UBR3: variants seen among roughly 807,000 people sequenced by gnomAD.
UBR3 encodes E3 ubiquitin-protein ligase UBR3.
In UBR3, 85 loss-of-function variants were observed where a neutral mutation model predicts 243.2. The ratio of observed to expected loss-of-function variants is 0.35; its 90% CI spans 0.29 to 0.42. UBR3 has a LOEUF of 0.42. Among genes scored for constraint, UBR3 ranks in the 10% least tolerant of loss-of-function variants. UBR3 has a pLI of 1.00. For missense variants in UBR3, 1,686 were observed against 2,300.8 expected (o/e 0.73, Z 5.47); for synonymous variants, 748 against 799.8 (o/e 0.94, Z 1.09).
In UBR3 at chr2:169,906,167, A is replaced by G. The variant is rs1181761461; in HGVS notation, c.1779+3A>G. 6.6e-7 allele frequency: 1 copy of G among 1,525,850 alleles called. No homozygotes were observed. The highest frequency in any genetic ancestry group is 8.8e-7 in the Non-Finnish European group (1 of 1,140,140). 94.5% of individuals were successfully genotyped at this position (1,525,850 alleles called of 1,614,324 possible). On this transcript the variant is annotated splice_donor_region_variant and intron_variant, in intron 10 of 38. Coordinates refer to ENST00000272793, the MANE Select transcript of UBR3 (RefSeq NM_172070.4). ...TTTTATCACATTGTAAAGTTAGGGT[A>G]TGTTGGAAATATTTTTGTTAATTTC... is the stretch of plus-strand genomic sequence containing the variant.
In UBR3 at chr2:169,876,225, C is replaced by T. The variant is rs564200006; in HGVS notation, c.844+276C>T. Among the ~76,000 whole-genome samples, 42 of 151,078 alleles carry T rather than the reference C, an allele frequency of 2.8e-4. No individual in the cohort carries two copies. The East Asian group carries it at 7.5e-3, about 27-fold the overall frequency. On this transcript the variant is annotated intron_variant, in intron 3 of 38. Coordinates refer to ENST00000272793, the MANE Select transcript of UBR3 (RefSeq NM_172070.4). ...CCTCCCGAGTAGCTGGGACTACAGGCGCCCGCCACTACGCCCAGCTAATTT... is the reference window on the plus strand; with the variant it reads ...CCTCCCGAGTAGCTGGGACTACAGGTGCCCGCCACTACGCCCAGCTAATTT...
chr2:169,872,084 G>A (rs2083456538), intron 1 of UBR3, among the ~76,000 whole-genome samples, 152 bp from the exon 2 acceptor site: 2 of 151,900 alleles, frequency 1.3e-5, no homozygotes, highest in South Asian at 4.2e-4. Context: ...TATAAACACT[G>A]GTTTAAAATT....
At chr2:170,024,548 G>A (rs2105418605) in intron 30 of UBR3, among the ~76,000 whole-genome samples, 1 of 152,140 alleles carries the variant, frequency 6.6e-6, no homozygotes, top group East Asian at 1.9e-4. Flanking sequence ...GCATGTGTGT[G>A]TGTGTGGTAT....
intron 1 of UBR3, among the ~76,000 whole-genome samples, chr2:169,839,018 G>T (rs1409429053): frequency 6.6e-6 from 1 of 152,164 alleles, no homozygotes; most frequent in Admixed American, 6.5e-5. Context: ...CCACTACTGA[G>T]TATATATCCA....
chr2:170,006,329 G>T (rs560237812), intron 27 of UBR3, among the ~76,000 whole-genome samples: 1 of 152,270 alleles, frequency 6.6e-6, no homozygotes, highest in African/African-American at 2.4e-5. Context: ...CATAGTAGGA[G>T]CTTAGTAAAT....
chr2:169,978,888 G>A (rs571394391), intron 24 of UBR3, among the ~76,000 whole-genome samples: 25 of 152,182 alleles, frequency 1.6e-4, no homozygotes, highest in Admixed American at 1.4e-3. Context: ...TGGGATGAGG[G>A]GTGTTATATC....
chr2:169,853,776 GTTTTT>G (rs11350876), intron 1 of UBR3, among the ~76,000 whole-genome samples: 2 of 149,788 alleles, frequency 1.3e-5, no homozygotes, highest in Non-Finnish European at 1.5e-5. Context: ...AAGGGACTTC[GTTTTT>G]TTTTTGTTTT....
intron 30 of UBR3, among the ~76,000 whole-genome samples, chr2:170,018,272 C>G (rs2090301011): frequency 6.6e-6 from 1 of 152,130 alleles, no homozygotes; most frequent in African/African-American, 2.4e-5. Flanking sequence ...TTTGAGCCAT[C>G]TTTTCAGACA....
At chr2:170,042,926 AAATT>A (rs1449525195) in intron 32 of UBR3, among the ~76,000 whole-genome samples, 3 of 151,980 alleles carry the variant, frequency 2.0e-5, no homozygotes, top group African/African-American at 7.2e-5. Flanking sequence ...AGTCTTATTA[AAATT>A]AATCTCTTTG....
In UBR3 at chr2:169,924,001, C is replaced by T; in HGVS notation, c.1932+7C>T. ...TGCTATGTTTTTGAGTAAGGTAAGACTGTCATTAAACAATTCTGTTCTTTT... is the reference window on the plus strand; with the variant it reads ...TGCTATGTTTTTGAGTAAGGTAAGATTGTCATTAAACAATTCTGTTCTTTT... On this transcript the variant is annotated splice_region_variant and intron_variant, in intron 12 of 38. Coordinates refer to ENST00000272793, the MANE Select transcript of UBR3 (RefSeq NM_172070.4). 3.3e-6 allele frequency: 5 copies of T among 1,538,318 alleles called. No individual in the cohort carries two copies. Among genetic ancestry groups the T allele is most frequent in the Non-Finnish European group, 4.4e-6 (5 of 1,143,318 alleles).
At chr2:169,927,542 G>T in intron 17 of UBR3, 137 bp downstream of exon 17, 8 of 596,348 alleles carry the variant, frequency 1.3e-5, no homozygotes, top group South Asian at 5.7e-5. Flanking sequence ...AACACCAGTT[G>T]TGTGCTCAAG....
chr2:169,906,367 T>G (rs1574168991), intron 10 of UBR3, among the ~76,000 whole-genome samples: 1 of 152,310 alleles, frequency 6.6e-6, no homozygotes, highest in South Asian at 2.1e-4. Flanking sequence ...CCTGTTGCTA[T>G]TGTGAACAGT....
At chr2:169,978,574 A>G (rs967283122) in intron 24 of UBR3, among the ~76,000 whole-genome samples, 22 of 152,028 alleles carry the variant, frequency 1.4e-4, no homozygotes, top group African/African-American at 5.3e-4. Flanking sequence ...AGTAGCAGCC[A>G]TGTCCCTGGG....
At chr2:169,942,442 A>T in intron 19 of UBR3, 51 bp from the exon 20 acceptor site, 1 of 1,488,536 alleles carries the variant, frequency 6.7e-7, no homozygotes, top group East Asian at 2.5e-5. Flanking sequence ...TTTAAACCAC[A>T]GTTTGATTTT....
chr2:169,896,690 C>G lies in UBR3; in HGVS notation c.1420C>G (p.Leu474Val). 6.4e-7 allele frequency: 1 copy of G among 1,550,698 alleles called. No homozygotes were observed. The change falls in exon 8 of 39, where the codon CTA becomes GTA. Residue 474 changes from leucine to valine, a missense_variant. Around this residue, in one of 8 missense-constraint regions of UBR3, gnomAD observed 346 missense variants for 585.8 expected, o/e 0.59. Coordinates refer to ENST00000272793, the MANE Select transcript of UBR3 (RefSeq NM_172070.4). Reference protein sequence around the residue: ...CQLLDIMVTVLLYMMESCLIK... With the variant: ...CQLLDIMVTVVLYMMESCLIK... ...GCTGCTGGATATTATGGTCACTGTG[C>G]TATTATACATGATGGAAAGTTGCCT...
intron 3 of UBR3, among the ~76,000 whole-genome samples, chr2:169,876,849 C>T (rs866763143): frequency 6.6e-6 from 1 of 152,166 alleles, no homozygotes; most frequent in Non-Finnish European, 1.5e-5. Flanking sequence ...CAGGCATGAG[C>T]CACCACGCCC....
intron 1 of UBR3, among the ~76,000 whole-genome samples, chr2:169,859,612 T>G (rs2083016003): frequency 6.6e-6 from 1 of 152,168 alleles, no homozygotes; most frequent in Non-Finnish European, 1.5e-5. Context: ...TAATTTTTAT[T>G]GCTGTGTCAT....
intron 30 of UBR3, among the ~76,000 whole-genome samples, chr2:170,017,578 CACACAGGG>C (rs1559190928): frequency 1.4e-5 from 2 of 142,668 alleles, no homozygotes; most frequent in African/African-American, 5.4e-5. Flanking sequence ...CACACACACA[CACACAGGG>C]GGAGAAGGGA....
intron 38 of UBR3, among the ~76,000 whole-genome samples, chr2:170,080,990 G>C (rs1242640126): frequency 6.6e-6 from 1 of 151,908 alleles, no homozygotes. Flanking sequence ...AGGAGTTTGA[G>C]ACCAGCCTGG....
Sources: allele counts gnomAD v4.1 joint callset (sites outside exome capture counted in the v4.1 genomes callset), GRCh38; gene constraint gnomAD v4.1.1; regional missense constraint gnomAD v4.1.1; transcripts MANE v1.5; gene names NCBI Gene and HGNC (gene_info 2026-07-23, HGNC 2026-07-21).